Variants in IGSF3 observed in about 807,000 individuals in gnomAD.
IGSF3 encodes the protein glu-Trp-Ile EWI motif-containing protein 3.
Under a neutral mutation model 114.4 loss-of-function variants are expected in IGSF3, and 23 were observed. The observed-to-expected ratio is 0.20, with a 90% CI of 0.14 to 0.28. The LOEUF (loss-of-function observed/expected upper bound fraction) is 0.28. Among genes scored for constraint, IGSF3 ranks in the 10% least tolerant of loss-of-function variants. The pLI, the probability that IGSF3 is intolerant of heterozygous loss-of-function variation, is 1.00. For missense variants in IGSF3, 1,172 were observed against 1,591.5 expected, an observed-to-expected ratio of 0.74 and a Z score of 4.48; for synonymous variants, 571 against 645.2, an observed-to-expected ratio of 0.88 and a Z score of 1.74.
chr1:116,666,164 C>T (rs867833347), intron 2 of IGSF3, 120 bp downstream of exon 2: 1 of 935,378 alleles, frequency 1.1e-6, no homozygotes, highest in Non-Finnish European at 1.8e-6. Context: ...TGACACACAC[C>T]GACCGCCTCC....
At chr1:116,608,581 C>G (rs1660891098) in intron 4 of IGSF3, among the ~76,000 whole-genome samples, 1 of 152,178 alleles carries the variant, frequency 6.6e-6, no homozygotes, top group Non-Finnish European at 1.5e-5. Flanking sequence ...ACTGTTACCC[C>G]AGTTAAGACC....
rs199539569 is a variant in IGSF3 at position 116,651,312 on chromosome 1, A to G, written c.43+14972T>C. ...CTGCCTTCCATCTTAGCTTTCCAGC[A>G]TACTCTTCCCAGGTTCTTTGGGCTA... On this transcript the variant is annotated intron_variant, in intron 2 of 10. Coordinates refer to ENST00000369486, the MANE Select transcript of IGSF3 (RefSeq NM_001007237.3). This position sits in a 1 kb window ranked among gnomAD's most constrained non-coding sequence, Gnocchi z 4.4. Among the ~76,000 whole-genome samples the G allele has an allele frequency of 3.7e-4, 56 of 152,314 alleles. 1 individual carries two copies. The East Asian group carries it at 0.01, about 28-fold the overall frequency.
At chr1:116,626,252 TA>T (rs146223155) in intron 2 of IGSF3, among the ~76,000 whole-genome samples, 4,176 of 149,476 alleles carry the variant, frequency 0.028, 195 homozygotes, top group African/African-American at 0.097. Flanking sequence ...TCTCCAGACT[TA>T]AAAAAAAAAT....
At chr1:116,608,481 A>AACTC in intron 4 of IGSF3, 150 bp from the exon 5 acceptor site, 2 of 646,394 alleles carry the variant, frequency 3.1e-6, no homozygotes, top group South Asian at 4.0e-5. Flanking sequence ...AGTAAAATCC[A>AACTC]ACTCAGACCC....
Position 116,584,918 on chromosome 1 carries a change from G to A in IGSF3, c.2575C>T (p.Pro859Ser). 1 of 1,614,106 alleles carries A rather than the reference G, an allele frequency of 6.2e-7. No homozygotes were observed. The highest frequency in any genetic ancestry group is 8.5e-7 in the Non-Finnish European group (1 of 1,179,944). Residue 859 changes from proline (P) to serine (S), a missense_variant, in exon 9 of 11, where the codon CCC becomes TCC. Physicochemically the swap from Pro to Ser is moderately conservative, Grantham distance 74 (BLOSUM62 -1). This residue lies in a region of IGSF3 where 423 missense variants were observed against 509.8 expected (regional missense o/e 0.83). Coordinates refer to ENST00000369486, the MANE Select transcript of IGSF3 (RefSeq NM_001007237.3). This position sits in a 1 kb window ranked among gnomAD's most constrained non-coding sequence, Gnocchi z 5.8. ...QLMVEWFVWKPNHPERETVAR... is the reference protein window; with the variant it reads ...QLMVEWFVWKSNHPERETVAR... ...ACAGTCTCCCGCTCAGGGTGGTTGG[G>A]CTTCCATACAAACCATTCCACCATG...
chr1:116,578,307 A>G (rs981534410), intron 10 of IGSF3, among the ~76,000 whole-genome samples: 1 of 152,218 alleles, frequency 6.6e-6, no homozygotes, highest in Non-Finnish European at 1.5e-5. Context: ...ATGGACAGGT[A>G]AAATGTTGCC....
At position 116,648,476 on chromosome 1, in the gene IGSF3, G is replaced by C. The variant is rs1648496487; in HGVS notation, c.43+17808C>G. 6.6e-6 allele frequency among the ~76,000 whole-genome samples: 1 copy of C among 152,138 alleles called. No homozygotes were observed. Among genetic ancestry groups the C allele is most frequent in the African/African-American group, 2.4e-5 (1 of 41,422 alleles). ...TAAAGCACAGTCAGACCCGCCATCT[G>C]CACTTTTACCTGCTGCCTGACGAAA... On this transcript the variant is annotated intron_variant, in intron 2 of 10. Coordinates refer to ENST00000369486, the MANE Select transcript of IGSF3 (RefSeq NM_001007237.3). This position sits in a 1 kb window ranked among gnomAD's most constrained non-coding sequence, Gnocchi z 4.7.
chr1:116,601,996 T>C (rs1660609978), intron 6 of IGSF3, among the ~76,000 whole-genome samples: 1 of 152,236 alleles, frequency 6.6e-6, no homozygotes, highest in Non-Finnish European at 1.5e-5. Flanking sequence ...AATGACCCAC[T>C]GTAATTAGAT....
At chr1:116,652,184 G>GT (rs1648659453) in intron 2 of IGSF3, among the ~76,000 whole-genome samples, 1 of 152,178 alleles carries the variant, frequency 6.6e-6, no homozygotes, top group Admixed American at 6.5e-5. Context: ...ATGCACAGGG[G>GT]TTTCATAGGG....
Position 116,609,555 on chromosome 1 carries a change from GGAA to G in IGSF3, c.833-1227_833-1225del, listed in dbSNP as rs538912346. Among the ~76,000 whole-genome samples, 28 of 152,182 alleles carry G rather than the reference GGAA, an allele frequency of 1.8e-4. No homozygotes were observed. In the South Asian group the frequency reaches 5.8e-3, roughly 32 times the overall value. On this transcript the variant is annotated intron_variant, in intron 4 of 10. Coordinates refer to ENST00000369486, the MANE Select transcript of IGSF3 (RefSeq NM_001007237.3). ...TAGGCACCCACGGCAGAAGTCAGGG[GGAA>G]GAAAACGGAGTTAAGGGTTAGAGAC... is the stretch of plus-strand genomic sequence containing the variant.
rs972634447 is a variant in IGSF3, at chr1:116,638,556, C to T, written c.44-22099G>A. On this transcript the variant is annotated intron_variant, in intron 2 of 10. Transcript: ENST00000369486. The surrounding 1 kb of genome is among the most constrained non-coding windows in gnomAD (Gnocchi z 4.1). ...TCTGACACCCACCACTCCCTCCAAACATCCCCGGTACGTCTTACTGGATTT... is the reference window on the plus strand; with the variant it reads ...TCTGACACCCACCACTCCCTCCAAATATCCCCGGTACGTCTTACTGGATTT... Among the ~76,000 whole-genome samples, 1 of 152,238 alleles carries T rather than the reference C, an allele frequency of 6.6e-6. No individual in the cohort carries two copies. Among genetic ancestry groups the T allele is most frequent in the Non-Finnish European group, 1.5e-5 (1 of 68,042 alleles).
Position 116,608,275 on chromosome 1 carries a change from G to A in IGSF3, c.889C>T (p.Pro297Ser). The change falls in exon 5 of 11, where the codon CCG becomes TCG. Residue 297 changes from proline (P) to serine (S), a missense_variant. Physicochemically the swap from Pro to Ser is moderately conservative, Grantham distance 74. Around this residue, in one of 3 missense-constraint regions of IGSF3, gnomAD observed 736 missense variants for 1,042.0 expected, o/e 0.71. Transcript: ENST00000369486. Reference protein sequence around the residue: ...TEKRLHTVGEPVEFRCILEAQ... With the variant: ...TEKRLHTVGESVEFRCILEAQ... ...TCCAGGATGCATCTGAACTCCACCG[G>A]CTCGCCCACCGTGTGCAGCCGCTTC... 1 of 1,611,874 alleles carries A rather than the reference G, an allele frequency of 6.2e-7. No individual in the cohort carries two copies. Among genetic ancestry groups the A allele is most frequent in the Admixed American group, 1.7e-5 (1 of 59,938 alleles).
Position 116,665,080 on chromosome 1 carries a change from C to T in IGSF3, c.43+1204G>A, listed in dbSNP as rs1327337960. ...CAAGGCATTTAGGACACCTTATATC[C>T]TTTAGTTATCACACCTTCCCTTGTT... On this transcript the variant is annotated intron_variant, in intron 2 of 10. Coordinates refer to ENST00000369486, the MANE Select transcript of IGSF3 (RefSeq NM_001007237.3). The surrounding 1 kb of genome is among the most constrained non-coding windows in gnomAD (Gnocchi z 4.0). Among the ~76,000 whole-genome samples the T allele has an allele frequency of 6.6e-6, 1 of 152,212 alleles. No homozygotes were observed. The highest frequency in any genetic ancestry group is 1.9e-4 in the East Asian group (1 of 5,204).
intron 2 of IGSF3, among the ~76,000 whole-genome samples, chr1:116,623,131 G>A (rs570467078): frequency 6.6e-6 from 1 of 152,334 alleles, no homozygotes; most frequent in East Asian, 1.9e-4. Flanking sequence ...GGAAGGACAG[G>A]AAGTGGCATG....
chr1:116,604,266 G>A (rs1256279339), intron 5 of IGSF3, among the ~76,000 whole-genome samples: 2 of 152,176 alleles, frequency 1.3e-5, no homozygotes, highest in African/African-American at 4.8e-5. Context: ...CTGTGATAAC[G>A]AGGTTCTAAG....
intron 9 of IGSF3, among the ~76,000 whole-genome samples, chr1:116,581,015 A>C (rs940948780): frequency 2.6e-5 from 4 of 152,262 alleles, no homozygotes; most frequent in Non-Finnish European, 5.9e-5. Flanking sequence ...GTTTATACTA[A>C]TTTGTTATGG....
Position 116,666,741 on chromosome 1 carries a change from C to T in IGSF3, c.-415G>A. ...GAAGGTGTCTGTGATCTCCCTCATTCGGATTCCCCAGAGAGAACAGGGCAG... is the reference window on the plus strand; with the variant it reads ...GAAGGTGTCTGTGATCTCCCTCATTTGGATTCCCCAGAGAGAACAGGGCAG... On this transcript the variant is annotated 5_prime_UTR_variant, in exon 2 of 11. Transcript: ENST00000369486. 1 of 460,868 alleles carries T rather than the reference C, an allele frequency of 2.2e-6. No individual in the cohort carries two copies. The highest frequency in any genetic ancestry group is 3.8e-6 in the Non-Finnish European group (1 of 264,144). 28.5% of individuals were successfully genotyped at this position (460,868 alleles called of 1,614,324 possible).
chr1:116,584,946 C>T lies in IGSF3; in HGVS notation c.2547G>A (p.Gln849=). The T allele has an allele frequency of 6.2e-7, 1 of 1,612,328 alleles. No individual in the cohort carries two copies. The highest frequency in any genetic ancestry group is 1.1e-5 in the South Asian group (1 of 91,008). The change falls in exon 9 of 11, where the codon CAG becomes CAA. Residue 849 remains glutamine, a synonymous_variant. Coordinates refer to ENST00000369486, the MANE Select transcript of IGSF3 (RefSeq NM_001007237.3). This position sits in a 1 kb window ranked among gnomAD's most constrained non-coding sequence, Gnocchi z 5.8. ...TCCATACAAACCATTCCACCATGAGCTGGGAGGTTATGCTGGTGCGGTTGA... is the reference window on the plus strand; with the variant it reads ...TCCATACAAACCATTCCACCATGAGTTGGGAGGTTATGCTGGTGCGGTTGA... The part of the protein sequence containing the change: ...VVLNRTSITS[Q]LMVEWFVWKP...
rs1659310948 is a variant in IGSF3, at chr1:116,575,565, G to C, written c.*1747C>G. ...CTCCCCTGCAGTCTGCTCGTTCTCA[G>C]AACAGGGCTTCACTGGAATCTTTTA... is the stretch of plus-strand genomic sequence containing the variant. On this transcript the variant is annotated 3_prime_UTR_variant, in exon 11 of 11. Coordinates refer to ENST00000369486, the MANE Select transcript of IGSF3 (RefSeq NM_001007237.3). The surrounding 1 kb of genome is among the most constrained non-coding windows in gnomAD (Gnocchi z 5.6). The C allele has an allele frequency of 6.6e-6, 1 of 152,230 alleles. No individual in the cohort carries two copies. The highest frequency in any genetic ancestry group is 1.5e-5 in the Non-Finnish European group (1 of 68,046). The allele number at this position is 152,230 out of a possible 1,614,324, so 9.4% of individuals were successfully genotyped here.
Sources: allele counts gnomAD v4.1 joint callset (sites outside exome capture counted in the v4.1 genomes callset), GRCh38; gene constraint gnomAD v4.1.1; regional missense constraint gnomAD v4.1.1; non-coding constraint Gnocchi (gnomAD v3.1); transcripts MANE v1.5; gene names NCBI Gene and HGNC (gene_info 2026-07-23, HGNC 2026-07-21).